Variants in PIGN observed in about 807,000 individuals in gnomAD.
PIGN encodes the protein phosphatidylinositol glycan anchor biosynthesis class N.
Under a neutral mutation model 125.4 loss-of-function variants are expected in PIGN, and 117 were observed. The ratio of observed to expected loss-of-function variants is 0.93; its 90% CI spans 0.80 to 1.09. The LOEUF (loss-of-function observed/expected upper bound fraction) is 1.09, where lower values mean the gene tolerates loss of function less well. Ranked by LOEUF, PIGN falls within the 50% of genes least tolerant of loss-of-function variation. The pLI is 0.00. For missense variants in PIGN, 1,075 were observed against 1,094.9 expected (o/e 0.98, Z 0.26); for synonymous variants, 392 against 377.8 (o/e 1.04, Z -0.44).
intron 30 of PIGN, among the ~76,000 whole-genome samples, chr18:62,051,632 T>C (rs1459008244): frequency 6.6e-6 from 1 of 152,204 alleles, no homozygotes; most frequent in Non-Finnish European, 1.5e-5. Context: ...ATCAATTTTG[T>C]TGATCCTTTC....
intron 11 of PIGN, among the ~76,000 whole-genome samples, chr18:62,142,599 G>T (rs1263915303): frequency 6.6e-6 from 1 of 152,156 alleles, no homozygotes; most frequent in Admixed American, 6.6e-5. Context: ...TGAGACCCTA[G>T]ACCTTGGTTT....
chr18:62,133,040 C>G (rs1231197398), intron 14 of PIGN, among the ~76,000 whole-genome samples: 2 of 152,130 alleles, frequency 1.3e-5, no homozygotes, highest in East Asian at 3.8e-4. Flanking sequence ...AGTACCCACA[C>G]AATCATTTTG....
intron 7 of PIGN, among the ~76,000 whole-genome samples, chr18:62,150,433 C>T (rs928391863): frequency 2.6e-5 from 4 of 152,142 alleles, no homozygotes; most frequent in African/African-American, 4.8e-5. Flanking sequence ...CTAAGTCGAA[C>T]TGGAAATAGG....
chr18:62,048,313 T>C (rs991857190), intron 30 of PIGN, among the ~76,000 whole-genome samples: 1 of 152,122 alleles, frequency 6.6e-6, no homozygotes, highest in East Asian at 1.9e-4. Flanking sequence ...AGTTTCCAAA[T>C]TTGGCAAAAG....
intron 1 of PIGN, among the ~76,000 whole-genome samples, chr18:62,177,032 C>T (rs1005096924): frequency 6.6e-6 from 1 of 151,934 alleles, no homozygotes; most frequent in South Asian, 2.1e-4. Context: ...TATAAACCAC[C>T]GCAAGTTTTA....
At chr18:62,128,696 G>A (rs1299247933) in intron 14 of PIGN, among the ~76,000 whole-genome samples, 1 of 152,050 alleles carries the variant, frequency 6.6e-6, no homozygotes, top group African/African-American at 2.4e-5. Flanking sequence ...TGGGTTTTGA[G>A]TCATTAAAAT....
intron 18 of PIGN, 32 bp downstream of exon 18, chr18:62,106,954 T>G (rs370206116): frequency 2.0e-6 from 3 of 1,537,312 alleles, no homozygotes; most frequent in African/African-American, 1.4e-5. Context: ...TAAAAGAAAT[T>G]TGCAAATGTT....
intron 1 of PIGN, among the ~76,000 whole-genome samples, chr18:62,173,136 T>C (rs2147853574): frequency 6.6e-6 from 1 of 152,382 alleles, no homozygotes; most frequent in African/African-American, 2.4e-5. Flanking sequence ...GACTTCTTAT[T>C]GGTGATCCAA....
At chr18:62,036,257 C>A, downstream of PIGN, among the ~76,000 whole-genome samples, 1 of 151,644 alleles carries the variant, frequency 6.6e-6, no homozygotes, top group South Asian at 2.1e-4. Flanking sequence ...TTTTTAAATC[C>A]CAGTATACTT....
intron 1 of PIGN, 115 bp downstream of exon 1, chr18:62,186,729 C>T (rs1439809425): frequency 1.3e-5 from 2 of 152,274 alleles, no homozygotes; most frequent in Admixed American, 1.3e-4. Flanking sequence ...AAAATGTCAC[C>T]ACTGGCAGCA....
chr18:62,133,756 T>C (rs1471362548), intron 14 of PIGN, among the ~76,000 whole-genome samples: 1 of 152,216 alleles, frequency 6.6e-6, no homozygotes, highest in African/African-American at 2.4e-5. Context: ...TTTGTGCCAA[T>C]GATTAGAATA....
At position 62,157,770 on chromosome 18, in the gene PIGN, T is replaced by C; in HGVS notation, c.260A>G (p.His87Arg). The C allele has an allele frequency of 4.4e-6, 7 of 1,597,730 alleles. No individual in the cohort carries two copies. The highest frequency in any genetic ancestry group is 6.0e-6 in the Non-Finnish European group (7 of 1,166,058). Residue 87 changes from histidine (H) to arginine (R), a missense_variant, in exon 5 of 31, where the codon CAT becomes CGT. By Grantham distance (29) the His-to-Arg change is conservative (BLOSUM62 0). This residue lies in a region of PIGN where 152 missense variants were observed against 162.9 expected (regional missense o/e 0.93). Coordinates refer to ENST00000640252, the MANE Select transcript of PIGN (RefSeq NM_176787.5). Reference sequence around the variant, plus strand: ...CCGAGATTCTGTTGGCACACGTGTATGAGATATGCCCCAGCTGCCTTCATG... The same window carrying C: ...CCGAGATTCTGTTGGCACACGTGTACGAGATATGCCCCAGCTGCCTTCATG... ...IMHEGSWGIS[H>R]TRVPTESRPG...
In PIGN at chr18:62,113,322, G is replaced by C; in HGVS notation, c.1252-6C>G. 3 of 1,580,372 alleles carry C rather than the reference G, an allele frequency of 1.9e-6. No individual in the cohort carries two copies. The highest frequency in any genetic ancestry group is 2.6e-6 in the Non-Finnish European group (3 of 1,167,230). ...AGCTCCTTGCAAAGGGAGACCTATG[G>C]AGAAAAAACATATATAACTTGCTAA... On this transcript the variant is annotated splice_polypyrimidine_tract_variant and splice_region_variant and intron_variant, in intron 15 of 30. Coordinates refer to ENST00000640252, the MANE Select transcript of PIGN (RefSeq NM_176787.5).
In PIGN at chr18:62,157,756, T is replaced by C. The variant is rs750517103; in HGVS notation, c.274A>G (p.Thr92Ala). ...SWGISHTRVP[T>A]ESRPGHVALI... is the part of the protein sequence containing the mutation. The stretch of plus-strand genomic sequence containing the variant: ...GCTACATGACCTGGCCGAGATTCTG[T>C]TGGCACACGTGTATGAGATATGCCC... The change falls in exon 5 of 31, where the codon ACA becomes GCA. Residue 92 changes from threonine (T) to alanine (A), a missense_variant. By Grantham distance (58) the Thr-to-Ala change is moderately conservative. This residue lies in a region of PIGN where 152 missense variants were observed against 162.9 expected (regional missense o/e 0.93). Coordinates refer to ENST00000640252, the MANE Select transcript of PIGN (RefSeq NM_176787.5). The C allele has an allele frequency of 5.6e-6, 9 of 1,612,688 alleles. No individual in the cohort carries two copies. Among genetic ancestry groups the C allele is most frequent in the East Asian group, 4.5e-5 (2 of 44,850 alleles).
At chr18:62,051,846 T>C (rs1332987638) in intron 30 of PIGN, 1 of 152,180 alleles carries the variant, frequency 6.6e-6, no homozygotes, top group Admixed American at 6.5e-5. Context: ...TTTAGTGCTA[T>C]AAATTTCCCT....
chr18:62,141,872 C>G (rs2036148476), intron 11 of PIGN, among the ~76,000 whole-genome samples: 1 of 152,196 alleles, frequency 6.6e-6, no homozygotes, highest in East Asian at 1.9e-4. Context: ...TTCTTCAAGA[C>G]CCTTTAATAC....
chr18:62,125,175 TATAA>T (rs780547007), intron 14 of PIGN, among the ~76,000 whole-genome samples: 61 of 133,398 alleles, frequency 4.6e-4, no homozygotes, highest in East Asian at 2.1e-3. Context: ...CATATGTGTA[TATAA>T]ATATACACGT....
chr18:62,138,265 G>A lies in PIGN; in HGVS notation c.1150C>T (p.Pro384Ser). ...KMTQKKEVTL[P>S]FLFTPFKLLS... ...TACTTAAATGGTGTAAACAAAAATG[G>A]TAAAGTAACTTCTTTCTTCTGAGTC... Residue 384 changes from proline to serine, a missense_variant, in exon 14 of 31, where the codon CCA becomes TCA. Coordinates refer to ENST00000640252, the MANE Select transcript of PIGN (RefSeq NM_176787.5). The A allele has an allele frequency of 6.5e-7, 1 of 1,547,274 alleles. No individual in the cohort carries two copies. The highest frequency in any genetic ancestry group is 8.7e-7 in the Non-Finnish European group (1 of 1,145,280).
rs959077157 is a variant in PIGN at position 62,111,059 on chromosome 18, A to T, written c.1435-1086T>A. On this transcript the variant is annotated intron_variant, in intron 16 of 30. Transcript: ENST00000640252. The stretch of plus-strand genomic sequence containing the variant: ...CCCTCGAACAAACCTCCCACATTCT[A>T]TACAAAGTGAACTATTTATTTTGAA... 4.6e-5 allele frequency among the ~76,000 whole-genome samples: 7 copies of T among 151,940 alleles called. No homozygotes were observed. The South Asian group carries it at 1.2e-3, about 27-fold the overall frequency.
Sources: gnomAD v4.1 joint callset for allele counts (sites outside exome capture counted in the v4.1 genomes callset) on GRCh38, gnomAD v4.1.1 for gene constraint, gnomAD v4.1.1 regional missense constraint, MANE v1.5 for transcripts, NCBI Gene and HGNC (gene_info 2026-07-23, HGNC 2026-07-21) for gene names.